Variants in DST observed in about 807,000 individuals in gnomAD.
The protein encoded by DST is bullous pemphigoid antigen.
DST carries 253 observed loss-of-function variants against 875.2 expected under a neutral mutation model. That is an observed-to-expected ratio of 0.29 (90% CI 0.26 to 0.32). The LOEUF (loss-of-function observed/expected upper bound fraction) is 0.32. DST is among the 10% of genes least tolerant of loss of function. The pLI, the probability that DST is intolerant of heterozygous loss-of-function variation, is 1.00. For synonymous variants in DST, 3,124 were observed against 3,197.1 expected, an observed-to-expected ratio of 0.98 and a Z score of 0.77; for missense variants, 8,287 against 9,111.6, an observed-to-expected ratio of 0.91 and a Z score of 3.68.
At chr6:56,585,241 G>T (rs200771117) in intron 49 of DST, among the ~76,000 whole-genome samples, 10 of 135,390 alleles carry the variant, frequency 7.4e-5, no homozygotes, top group South Asian at 4.9e-4. Context: ...TTTTTCGTTG[G>T]TAAGCTATTG....
intron 9 of DST, among the ~76,000 whole-genome samples, chr6:56,671,227 A>G (rs2099099698): frequency 6.6e-6 from 1 of 152,224 alleles, no homozygotes; most frequent in Non-Finnish European, 1.5e-5. Context: ...AAAACTCTAC[A>G]GTATTGAAAA....
chr6:56,947,923 C>CCCTATACATATTATGTTTTTTT (rs1820482154), intron 2 of DST, among the ~76,000 whole-genome samples: 1 of 150,552 alleles, frequency 6.6e-6, no homozygotes, highest in African/African-American at 2.5e-5. Context: ...TAGTACTAAA[C>CCCTATACATATTATGTTTTTTT]CCTATACATA....
At position 56,517,601 on chromosome 6, in the gene DST, G is replaced by A; in HGVS notation, c.18149C>T (p.Ala6050Val). The A allele has an allele frequency of 6.2e-7, 1 of 1,612,818 alleles. No individual in the cohort carries two copies. Among genetic ancestry groups the A allele is most frequent in the Non-Finnish European group, 8.5e-7 (1 of 1,179,424 alleles). Residue 6050 changes from alanine (A) to valine (V), a missense_variant, in exon 70 of 104, where the codon GCT becomes GTT. This residue lies in a region of DST where 777 missense variants were observed against 764.8 expected (regional missense o/e 1.02). Coordinates refer to ENST00000680361, the MANE Select transcript of DST (RefSeq NM_001374736.1). ...RSQQFDQAAD[A>V]ELSWITETEK... is the part of the protein sequence containing the mutation. ...TGTTTCAGTAATCCAGGATAACTCA[G>A]CATCAGCTGCTTGGTCAAACTAAAC...
Position 56,631,872 on chromosome 6 carries a change from A to T in DST, c.3963+11T>A, listed in dbSNP as rs749425392. The T allele has an allele frequency of 3.1e-6, 5 of 1,613,292 alleles. No homozygotes were observed. Among genetic ancestry groups the T allele is most frequent in the Middle Eastern group, 1.6e-4 (1 of 6,076 alleles). On this transcript the variant is annotated intron_variant, in intron 29 of 103. Transcript: ENST00000680361. ...AGTTAGTTTTTTTCCCAACATATTT[A>T]TAGCTCTCACCTCCTGTTCTGTGAT...
chr6:56,639,650 C>A, intron 20 of DST, 39 bp from the exon 21 acceptor site: 1 of 1,612,908 alleles, frequency 6.2e-7, no homozygotes, highest in Non-Finnish European at 8.5e-7. Context: ...CATGTTTTTG[C>A]CAAATATAGA....
intron 4 of DST, among the ~76,000 whole-genome samples, chr6:56,745,775 C>T (rs1229429817): frequency 6.6e-6 from 1 of 152,062 alleles, no homozygotes; most frequent in African/African-American, 2.4e-5. Context: ...TCCTAAATTA[C>T]AAATGATGTG....
chr6:56,847,723 TCAGGTTAATTA>T (rs1198574584), intron 4 of DST, among the ~76,000 whole-genome samples: 3 of 152,186 alleles, frequency 2.0e-5, no homozygotes, highest in Admixed American at 2.0e-4. Flanking sequence ...CCTTCTCCCC[TCAGGTTAATTA>T]CACTGTCCTC....
At chr6:56,611,119 A>G (rs1158505232) in intron 38 of DST, among the ~76,000 whole-genome samples, 2 of 152,162 alleles carry the variant, frequency 1.3e-5, no homozygotes, top group African/African-American at 4.8e-5. Context: ...AAAATATGAG[A>G]AACGAGGCTG....
At chr6:56,873,988 A>C (rs1778532351) in intron 3 of DST, among the ~76,000 whole-genome samples, 1 of 152,158 alleles carries the variant, frequency 6.6e-6, no homozygotes, top group Non-Finnish European at 1.5e-5. Flanking sequence ...GCATAACTAT[A>C]GTCCTACTAC....
At chr6:56,867,498 C>T (rs999326341) in intron 3 of DST, among the ~76,000 whole-genome samples, 1 of 152,112 alleles carries the variant, frequency 6.6e-6, no homozygotes, top group African/African-American at 2.4e-5. Flanking sequence ...GATTTAAAAA[C>T]AGGAAATAAT....
intron 4 of DST, among the ~76,000 whole-genome samples, chr6:56,832,680 A>C (rs1462738283): frequency 6.6e-6 from 1 of 151,650 alleles, no homozygotes; most frequent in Admixed American, 6.6e-5. Context: ...TTCATATTAT[A>C]TGCAAAATCA....
chr6:56,562,287 A>AC, intron 55 of DST, 87 bp from the exon 56 acceptor site: 1 of 605,608 alleles, frequency 1.7e-6, no homozygotes, highest in South Asian at 3.1e-5. Context: ...AACCCCATCA[A>AC]CAGTAATCAC....
At chr6:56,619,597 T>G in intron 36 of DST, 2 of 1,614,022 alleles carry the variant, frequency 1.2e-6, no homozygotes, top group Non-Finnish European at 1.7e-6. Flanking sequence ...GTTTCCCTTT[T>G]TCATGATTAA....
chr6:56,490,711 T>C (rs1241363900), intron 85 of DST, among the ~76,000 whole-genome samples: 2 of 152,086 alleles, frequency 1.3e-5, no homozygotes, highest in African/African-American at 2.4e-5. Context: ...AAGAAATAAA[T>C]AGTAGAAACA....
intron 3 of DST, among the ~76,000 whole-genome samples, chr6:56,872,832 C>CCCGCTTTTT (rs5876523): frequency 7.8e-6 from 1 of 127,860 alleles, no homozygotes; most frequent in Non-Finnish European, 1.6e-5. Context: ...TCCCCCCCCC[C>CCCGCTTTTT]TTTTTTTTTT....
intron 10 of DST, among the ~76,000 whole-genome samples, chr6:56,655,147 C>A (rs1239366001): frequency 3.1e-5 from 4 of 127,970 alleles, no homozygotes; most frequent in Admixed American, 2.8e-4. Flanking sequence ...GGTGACAGAG[C>A]GAGACTTTGC....
intron 5 of DST, among the ~76,000 whole-genome samples, chr6:56,729,951 G>A (rs1005328800): frequency 3.0e-4 from 45 of 152,152 alleles, no homozygotes; most frequent in African/African-American, 1.1e-3. Context: ...CAGTAACCAA[G>A]TAGATGACTA....
intron 67 of DST, among the ~76,000 whole-genome samples, chr6:56,528,403 T>C (rs966948763): frequency 6.6e-6 from 1 of 152,230 alleles, no homozygotes; most frequent in African/African-American, 2.4e-5. Context: ...TACTAAACTA[T>C]GTATCAGTTT....
intron 5 of DST, among the ~76,000 whole-genome samples, chr6:56,715,529 G>A (rs897033228): frequency 6.6e-6 from 1 of 152,276 alleles, no homozygotes; most frequent in African/African-American, 2.4e-5. Context: ...CAAGCGCAAA[G>A]AGGGAGGATC....
Sources: allele counts gnomAD v4.1 joint callset (sites outside exome capture counted in the v4.1 genomes callset), GRCh38; gene constraint gnomAD v4.1.1; regional missense constraint gnomAD v4.1.1; transcripts MANE v1.5; gene names NCBI Gene and HGNC (gene_info 2026-07-23, HGNC 2026-07-21).